Variants in CREB3L1 observed in about 807,000 individuals in gnomAD.
The protein encoded by CREB3L1 is cAMP responsive element binding protein 3 like 1, also known as cyclic AMP-responsive element-binding protein 3-like protein 1.
Under a neutral mutation model 54.5 loss-of-function variants are expected in CREB3L1, and 33 were observed. The ratio of observed to expected loss-of-function variants is 0.61; its 90% CI spans 0.46 to 0.81. The LOEUF (loss-of-function observed/expected upper bound fraction) is 0.81, where lower values mean the gene tolerates loss of function less well. Ranked by LOEUF, CREB3L1 falls within the 30% of genes least tolerant of loss-of-function variation. The pLI, the probability that CREB3L1 is intolerant of heterozygous loss-of-function variation, is 0.00. For synonymous variants in CREB3L1, 284 were observed against 286.4 expected, an observed-to-expected ratio of 0.99 and a Z score of 0.08; for missense variants, 656 against 673.3, an observed-to-expected ratio of 0.97 and a Z score of 0.29.
Position 46,310,030 on chromosome 11 carries a change from G to A in CREB3L1, c.558G>A (p.Glu186=). 6.2e-7 allele frequency: 1 copy of A among 1,603,164 alleles called. No individual in the cohort carries two copies. Among genetic ancestry groups the A allele is most frequent in the African/African-American group, 1.3e-5 (1 of 74,746 alleles). The part of the protein sequence containing the change: ...EMTQLPVIKA[E]PLEVNQFLKV... ...CTCAGCTGCCAGTGATCAAAGCAGA[G>A]CCTCTGGAGGTGAACCAGTTCCTCA... is the stretch of plus-strand genomic sequence containing the variant. Residue 186 remains glutamate, a synonymous_variant, in exon 4 of 12, where the codon GAG becomes GAA. Coordinates refer to ENST00000621158, the MANE Select transcript of CREB3L1 (RefSeq NM_052854.4).
intron 2 of CREB3L1, among the ~76,000 whole-genome samples, chr11:46,306,002 G>A (rs1165648670): frequency 6.6e-6 from 1 of 151,676 alleles, no homozygotes; most frequent in African/African-American, 2.4e-5. Flanking sequence ...CTCCCAAAGT[G>A]TTGGGATTAC....
At chr11:46,281,193 T>C (rs556907031) in intron 1 of CREB3L1, among the ~76,000 whole-genome samples, 2 of 152,282 alleles carry the variant, frequency 1.3e-5, no homozygotes, top group South Asian at 4.2e-4. Flanking sequence ...TGGGGGCATC[T>C]CCTCCCTGCC....
At position 46,299,958 on chromosome 11, in the gene CREB3L1, CTT is replaced by C. The variant is rs746766755; in HGVS notation, c.128_129del (p.Phe43TyrfsTer10). On this transcript the variant is annotated frameshift_variant, in exon 2 of 12. Coordinates refer to ENST00000621158, the MANE Select transcript of CREB3L1 (RefSeq NM_052854.4). LOFTEE classifies it high-confidence loss of function. The stretch of plus-strand genomic sequence containing the variant: ...AGCACTTTCCTGAGCACCTGGACCA[CTT>C]TACGGAGAACATGGAGGACTTCTCC... Reference protein sequence around the residue: ...NAHFPEHLDHFTENMEDFSND... With the variant: ...NAHFPEHLDHXTENMEDFSND... 6.2e-7 allele frequency: 1 copy of C among 1,613,984 alleles called. No homozygotes were observed. Among genetic ancestry groups the C allele is most frequent in the Non-Finnish European group, 8.5e-7 (1 of 1,179,860 alleles).
In CREB3L1 at chr11:46,295,934, GAGA is replaced by G. The variant is rs1939204908; in HGVS notation, c.103-3998_103-3996del. Among the ~76,000 whole-genome samples the G allele has an allele frequency of 6.6e-6, 1 of 152,240 alleles. No homozygotes were observed. The highest frequency in any genetic ancestry group is 1.5e-5 in the Non-Finnish European group (1 of 68,044). ...CCGGCGCCGGCTGCGCGTGACAGCC[GAGA>G]AGGAGCTTATATTGGCACGACTATA... On this transcript the variant is annotated intron_variant, in intron 1 of 11. Coordinates refer to ENST00000621158, the MANE Select transcript of CREB3L1 (RefSeq NM_052854.4). This position sits in a 1 kb window ranked among gnomAD's most constrained non-coding sequence, Gnocchi z 4.6.
chr11:46,305,744 A>ATTTTT (rs1412808958), intron 2 of CREB3L1, among the ~76,000 whole-genome samples: 1 of 100,400 alleles, frequency 1.0e-5, no homozygotes, highest in African/African-American at 5.2e-5. Context: ...ATATATATAT[A>ATTTTT]TATTTTTTTT....
At position 46,295,411 on chromosome 11, in the gene CREB3L1, C is replaced by G. The variant is rs1590341918; in HGVS notation, c.103-4524C>G. The G allele has an allele frequency of 6.6e-6, 1 of 152,156 alleles. No individual in the cohort carries two copies. Among genetic ancestry groups the G allele is most frequent in the Non-Finnish European group, 1.5e-5 (1 of 68,070 alleles). The allele number at this position is 152,156 out of a possible 1,614,324, so 9.4% of individuals were successfully genotyped here. On this transcript the variant is annotated intron_variant, in intron 1 of 11. Transcript: ENST00000621158. The surrounding 1 kb of genome is among the most constrained non-coding windows in gnomAD (Gnocchi z 4.6). ...TTGAGTCGGGGTCGTCGGGGAGACCCTCGGTCTCCACTTCTCCCTGCGGGG... is the reference window on the plus strand; with the variant it reads ...TTGAGTCGGGGTCGTCGGGGAGACCGTCGGTCTCCACTTCTCCCTGCGGGG...
rs759484430 is a variant in CREB3L1, at chr11:46,307,992, C to T, written c.508C>T (p.Pro170Ser). Residue 170 changes from proline to serine, a missense_variant, in exon 3 of 12, where the codon CCC (proline) becomes TCC (serine). This residue lies in a region of CREB3L1 where 339 missense variants were observed against 331.5 expected (regional missense o/e 1.02). Transcript: ENST00000621158. ...CAGCCCCTTGTCCAGGCTGCCCATC[C>T]CCCACCAGGTGAGCCTGGGAACTGT... is the stretch of plus-strand genomic sequence containing the variant. ...GLSPLSRLPI[P>S]HQAPGEMTQL... 7.1e-6 allele frequency: 11 copies of T among 1,543,010 alleles called. No homozygotes were observed. Among genetic ancestry groups the T allele is most frequent in the Non-Finnish European group, 8.7e-6 (10 of 1,145,992 alleles).
chr11:46,309,934 A>G (rs528766790), intron 3 of CREB3L1, 55 bp from the exon 4 acceptor site: 6 of 1,420,422 alleles, frequency 4.2e-6, no homozygotes, highest in Admixed American at 1.9e-5. Context: ...GGTAGATGGC[A>G]TGGTGGGGAC....
chr11:46,316,262 A>G, intron 8 of CREB3L1, 24 bp from the exon 9 acceptor site: 5 of 1,489,094 alleles, frequency 3.4e-6, no homozygotes, highest in African/African-American at 2.8e-5. Context: ...AAAGCCTGCC[A>G]GCTGACTGCT....
intron 1 of CREB3L1, among the ~76,000 whole-genome samples, chr11:46,281,286 G>A (rs1170884496): frequency 1.3e-5 from 2 of 152,188 alleles, no homozygotes; most frequent in East Asian, 1.9e-4. Context: ...GCCAGTATGA[G>A]AGAGAGGGTC....
chr11:46,283,402 T>C (rs552594859), intron 1 of CREB3L1, among the ~76,000 whole-genome samples: 1 of 152,312 alleles, frequency 6.6e-6, no homozygotes, highest in South Asian at 2.1e-4. Flanking sequence ...CACTTTTTTT[T>C]ACCAGCCCCA....
At chr11:46,311,228 A>C in intron 5 of CREB3L1, 39 bp downstream of exon 5, 1 of 1,496,086 alleles carries the variant, frequency 6.7e-7, no homozygotes, top group South Asian at 1.3e-5. Flanking sequence ...GAAATGAGGA[A>C]TTGAATACAT....
intron 1 of CREB3L1, among the ~76,000 whole-genome samples, chr11:46,285,772 TGTGCG>T (rs1434661164): frequency 6.6e-6 from 1 of 152,184 alleles, no homozygotes; most frequent in Non-Finnish European, 1.5e-5. Flanking sequence ...TGGGCTGGGA[TGTGCG>T]GTCCGACATA....
chr11:46,316,350 A>C lies in CREB3L1; in HGVS notation c.1096A>C (p.Lys366Gln). The C allele has an allele frequency of 1.9e-6, 3 of 1,574,104 alleles. No individual in the cohort carries two copies. The highest frequency in any genetic ancestry group is 2.6e-6 in the Non-Finnish European group (3 of 1,160,022). Residue 366 changes from lysine to glutamine, a missense_variant, in exon 9 of 12, where the codon AAG (lysine) becomes CAG (glutamine). Physicochemically the swap from Lys to Gln is moderately conservative, Grantham distance 53. This residue lies in a region of CREB3L1 where 240 missense variants were observed against 219.8 expected (regional missense o/e 1.09). Transcript: ENST00000621158. Reference protein sequence around the residue: ...LVTNKISRPYKMAATQTGTCL... With the variant: ...LVTNKISRPYQMAATQTGTCL... ...CACCAACAAGATCTCCAGACCTTAC[A>C]AGATGGCCGCCACCCAGACTGGGAC...
In CREB3L1 at chr11:46,307,988, C is replaced by A. The variant is rs769375670; in HGVS notation, c.504C>A (p.Pro168=). The change falls in exon 3 of 12, where the codon CCC becomes CCA. Residue 168 remains proline, a synonymous_variant. Transcript: ENST00000621158. ...LLGLSPLSRL[P]IPHQAPGEMT... ...GCCTCAGCCCCTTGTCCAGGCTGCCCATCCCCCACCAGGTGAGCCTGGGAA... is the reference window on the plus strand; with the variant it reads ...GCCTCAGCCCCTTGTCCAGGCTGCCAATCCCCCACCAGGTGAGCCTGGGAA... The A allele has an allele frequency of 6.5e-7, 1 of 1,545,454 alleles. No homozygotes were observed. The highest frequency in any genetic ancestry group is 8.7e-7 in the Non-Finnish European group (1 of 1,147,244).
chr11:46,305,984 G>A (rs540924632), intron 2 of CREB3L1, among the ~76,000 whole-genome samples: 80 of 151,820 alleles, frequency 5.3e-4, no homozygotes, highest in African/African-American at 1.9e-3. Flanking sequence ...TGATCCGCCC[G>A]TCTTAGCCTC....
In CREB3L1 at chr11:46,278,238, G is replaced by C; in HGVS notation, c.102+25G>C. ...GGTAAGATGAAGGGTCTCCGTTCCC[G>C]TTCCACCCCTCGGCACCCGTCCTCG... On this transcript the variant is annotated intron_variant, in intron 1 of 11. Coordinates refer to ENST00000621158, the MANE Select transcript of CREB3L1 (RefSeq NM_052854.4). This position sits in a 1 kb window ranked among gnomAD's most constrained non-coding sequence, Gnocchi z 4.2. The C allele has an allele frequency of 6.8e-7, 1 of 1,464,006 alleles. No homozygotes were observed. The highest frequency in any genetic ancestry group is 9.3e-7 in the Non-Finnish European group (1 of 1,075,280). The allele number at this position is 1,464,006 out of a possible 1,614,324, so 90.7% of individuals were successfully genotyped here.
chr11:46,320,021 A>G (rs1405876135), intron 10 of CREB3L1, among the ~76,000 whole-genome samples: 1 of 152,132 alleles, frequency 6.6e-6, no homozygotes. Flanking sequence ...CTTCCCCTGT[A>G]TTACCTCATT....
intron 2 of CREB3L1, among the ~76,000 whole-genome samples, chr11:46,306,557 A>T (rs1939399916): frequency 1.3e-5 from 2 of 150,610 alleles, no homozygotes; most frequent in African/African-American, 4.9e-5. Context: ...GCGGCTCCCC[A>T]TTTGCTTTAG....
Sources: gnomAD v4.1 joint callset for allele counts (sites outside exome capture counted in the v4.1 genomes callset) on GRCh38, gnomAD v4.1.1 for gene constraint, gnomAD v4.1.1 regional missense constraint, Gnocchi (gnomAD v3.1) non-coding constraint, MANE v1.5 for transcripts, NCBI Gene and HGNC (gene_info 2026-07-23, HGNC 2026-07-21) for gene names.